MARCHF3: variants seen among roughly 807,000 people sequenced by gnomAD.
MARCHF3 encodes the protein E3 ubiquitin-protein ligase MARCHF3.
A neutral mutation model predicts 24.2 loss-of-function variants in MARCHF3; 13 were observed. The ratio of observed to expected loss-of-function variants is 0.54; its 90% CI spans 0.35 to 0.85. The LOEUF is 0.85. Ranked by LOEUF, MARCHF3 falls within the 40% of genes least tolerant of loss-of-function variation. The pLI is 0.01. For missense variants in MARCHF3, 276 were observed against 325.0 expected (o/e 0.85, Z 1.16); for synonymous variants, 144 against 137.3 (o/e 1.05, Z -0.34).
At chr5:126,934,845 C>A (rs1485955470) in intron 1 of MARCHF3, among the ~76,000 whole-genome samples, 1 of 152,166 alleles carries the variant, frequency 6.6e-6, no homozygotes, top group Non-Finnish European at 1.5e-5. Context: ...CAAAAATCTT[C>A]TCATCCTGTC....
At chr5:126,991,659 T>C (rs1751765914) in intron 1 of MARCHF3, among the ~76,000 whole-genome samples, 1 of 151,732 alleles carries the variant, frequency 6.6e-6, no homozygotes, top group Admixed American at 6.6e-5. Flanking sequence ...AGGCAGAGGT[T>C]GCAGTGAGCT....
intron 4 of MARCHF3, among the ~76,000 whole-genome samples, chr5:126,873,011 T>G (rs976393203): frequency 6.6e-6 from 1 of 152,148 alleles, no homozygotes; most frequent in Non-Finnish European, 1.5e-5. Context: ...ATAAGGAACT[T>G]TGGCAATATA....
chr5:126,962,265 T>C (rs767791930), intron 1 of MARCHF3, among the ~76,000 whole-genome samples: 1 of 152,066 alleles, frequency 6.6e-6, no homozygotes, highest in Non-Finnish European at 1.5e-5. Context: ...TCTCTGCAGA[T>C]TGATTTTGAA....
chr5:127,017,161 T>C (rs1477396590), intron 1 of MARCHF3, among the ~76,000 whole-genome samples: 2 of 152,130 alleles, frequency 1.3e-5, no homozygotes, highest in South Asian at 2.1e-4. Flanking sequence ...ATACCTAATG[T>C]AAATGATGAG....
intron 1 of MARCHF3, among the ~76,000 whole-genome samples, chr5:126,937,915 G>A (rs1206022537): frequency 6.6e-6 from 1 of 152,182 alleles, no homozygotes; most frequent in East Asian, 1.9e-4. Flanking sequence ...ATAACACTGA[G>A]TAGGAGTGAA....
intron 1 of MARCHF3, among the ~76,000 whole-genome samples, chr5:126,979,453 C>A (rs897390689): frequency 6.6e-6 from 1 of 152,308 alleles, no homozygotes; most frequent in East Asian, 1.9e-4. Flanking sequence ...TGTAAACCCT[C>A]GATGTCAACC....
chr5:127,023,180 C>T (rs186325107), intron 1 of MARCHF3, among the ~76,000 whole-genome samples: 10 of 152,242 alleles, frequency 6.6e-5, no homozygotes, highest in East Asian at 3.9e-4. Context: ...TCAGTATACA[C>T]GAGGGACTGG....
At chr5:127,022,977 T>C (rs1385049871) in intron 1 of MARCHF3, among the ~76,000 whole-genome samples, 2 of 152,192 alleles carry the variant, frequency 1.3e-5, no homozygotes, top group African/African-American at 2.4e-5. Context: ...CCTAATGGCC[T>C]CTTCAGGTAG....
chr5:126,898,954 CTTTT>C (rs138831451), intron 3 of MARCHF3: 4 of 899,310 alleles, frequency 4.4e-6, no homozygotes, highest in Non-Finnish European at 5.3e-6. Context: ...AAGAATTAAA[CTTTT>C]TTTTTTAGTA....
chr5:127,003,609 G>T (rs1350721457), intron 1 of MARCHF3, among the ~76,000 whole-genome samples: 2 of 151,260 alleles, frequency 1.3e-5, no homozygotes, highest in Non-Finnish European at 2.9e-5. Context: ...AATTAGCCGG[G>T]CACGGTTGCA....
chr5:126,985,133 G>C (rs1175725988), intron 1 of MARCHF3, among the ~76,000 whole-genome samples: 4 of 152,110 alleles, frequency 2.6e-5, no homozygotes, highest in Admixed American at 6.5e-5. Flanking sequence ...TTTCCTTTGG[G>C]GGGACTACTC....
intron 3 of MARCHF3, among the ~76,000 whole-genome samples, chr5:126,902,264 C>T (rs1754131347): frequency 6.6e-6 from 1 of 152,116 alleles, no homozygotes; most frequent in Admixed American, 6.6e-5. Flanking sequence ...GTAGTGAATA[C>T]ACACCTGTTT....
chr5:126,894,646 C>T (rs1204125561), intron 3 of MARCHF3, among the ~76,000 whole-genome samples: 2 of 151,898 alleles, frequency 1.3e-5, no homozygotes, highest in African/African-American at 4.8e-5. Context: ...AGGGTTTCTG[C>T]CGAGAGATCC....
chr5:126,971,373 C>T (rs1352807411), intron 1 of MARCHF3, among the ~76,000 whole-genome samples: 8 of 148,796 alleles, frequency 5.4e-5, no homozygotes, highest in African/African-American at 2.0e-4. Context: ...GGCATGAACC[C>T]GGGAGGCAGA....
At chr5:126,889,265 C>T (rs1753597870) in intron 3 of MARCHF3, among the ~76,000 whole-genome samples, 1 of 151,904 alleles carries the variant, frequency 6.6e-6, no homozygotes, top group East Asian at 1.9e-4. Flanking sequence ...TGTACCAGGA[C>T]AGTGTACCAA....
chr5:126,999,402 T>C (rs760614665), intron 1 of MARCHF3, among the ~76,000 whole-genome samples: 2 of 152,186 alleles, frequency 1.3e-5, no homozygotes, highest in Non-Finnish European at 2.9e-5. Flanking sequence ...ATGGATTCTG[T>C]TCACAGGGCA....
chr5:126,937,028 G>A (rs1749669323), intron 1 of MARCHF3, among the ~76,000 whole-genome samples: 1 of 152,218 alleles, frequency 6.6e-6, no homozygotes. Flanking sequence ...CTTTCCCTCA[G>A]CTTTGGGTCT....
chr5:126,908,871 C>T (rs1186615894), intron 3 of MARCHF3, among the ~76,000 whole-genome samples: 10 of 152,178 alleles, frequency 6.6e-5, no homozygotes, highest in South Asian at 4.1e-4. Context: ...TGAGGACCTG[C>T]GTTCCTTTGG....
intron 3 of MARCHF3, among the ~76,000 whole-genome samples, chr5:126,898,584 C>A (rs895115439): frequency 6.6e-6 from 1 of 152,044 alleles, no homozygotes; most frequent in African/African-American, 2.4e-5. Context: ...CCTTTGGAAG[C>A]GGTGAATTGT....
Sources: allele counts gnomAD v4.1 joint callset (sites outside exome capture counted in the v4.1 genomes callset), GRCh38; gene constraint gnomAD v4.1.1; transcripts MANE v1.5; gene names NCBI Gene and HGNC (gene_info 2026-07-23, HGNC 2026-07-21).